ARHGAP26: variants seen among roughly 807,000 people sequenced by gnomAD.
The protein encoded by ARHGAP26 is rho GTPase-activating protein 26.
ARHGAP26 carries 38 observed loss-of-function variants against 104.8 expected under a neutral mutation model. That is an observed-to-expected ratio of 0.36 (90% CI 0.28 to 0.48). ARHGAP26 has a LOEUF of 0.48. Among genes scored for constraint, ARHGAP26 ranks in the 20% least tolerant of loss-of-function variants. The pLI, the probability that ARHGAP26 is intolerant of heterozygous loss-of-function variation, is 0.99. For synonymous variants in ARHGAP26, 341 were observed against 340.0 expected, an observed-to-expected ratio of 1.00 and a Z score of -0.03; for missense variants, 704 against 947.9, an observed-to-expected ratio of 0.74 and a Z score of 3.38.
intron 11 of ARHGAP26, among the ~76,000 whole-genome samples, chr5:143,008,581 A>G (rs551669044): frequency 1.3e-5 from 2 of 152,220 alleles, no homozygotes; most frequent in Non-Finnish European, 2.9e-5. Context: ...TTGGGTAAAG[A>G]TGGTGCAGTT....
intron 11 of ARHGAP26, among the ~76,000 whole-genome samples, chr5:142,937,659 G>A (rs37223): frequency 0.24 from 36,539 of 151,980 alleles, 4,751 homozygotes; most frequent in East Asian, 0.46. Flanking sequence ...TCCTTTAATG[G>A]GTGAATGGTT....
intron 12 of ARHGAP26, among the ~76,000 whole-genome samples, chr5:143,015,640 C>T (rs1264204785): frequency 2.0e-5 from 3 of 152,070 alleles, no homozygotes; most frequent in Non-Finnish European, 4.4e-5. Flanking sequence ...GGATGGATGC[C>T]AAGCAGGCTA....
At chr5:142,854,741 C>G (rs576966783) in intron 1 of ARHGAP26, among the ~76,000 whole-genome samples, 1 of 152,328 alleles carries the variant, frequency 6.6e-6, no homozygotes, top group South Asian at 2.1e-4. Flanking sequence ...TGCAGGGAAT[C>G]TAACATGGCT....
chr5:143,135,602 A>G (rs1207495486), intron 19 of ARHGAP26, among the ~76,000 whole-genome samples: 2 of 152,166 alleles, frequency 1.3e-5, no homozygotes, highest in Non-Finnish European at 2.9e-5. Flanking sequence ...CAAAACCCTT[A>G]CTGCACTTCA....
intron 12 of ARHGAP26, among the ~76,000 whole-genome samples, chr5:143,031,572 C>CTTTT (rs753414022): frequency 1.5e-5 from 2 of 135,370 alleles, no homozygotes; most frequent in African/African-American, 5.4e-5. Context: ...CTACACACCT[C>CTTTT]TTTTTTTTTT....
chr5:143,139,070 G>T (rs1277421744), intron 19 of ARHGAP26, among the ~76,000 whole-genome samples: 2 of 152,200 alleles, frequency 1.3e-5, no homozygotes, highest in African/African-American at 4.8e-5. Flanking sequence ...TTCCACTTAA[G>T]AACCTGGAGT....
intron 11 of ARHGAP26, 126 bp downstream of exon 11, chr5:142,932,251 GT>G: frequency 1.2e-6 from 1 of 804,420 alleles, no homozygotes; most frequent in Non-Finnish European, 2.1e-6. Flanking sequence ...ACCAGAGGTG[GT>G]TTTTTATTCC....
intron 20 of ARHGAP26, among the ~76,000 whole-genome samples, chr5:143,148,751 A>T (rs987581081): frequency 6.6e-6 from 1 of 152,072 alleles, no homozygotes; most frequent in Non-Finnish European, 1.5e-5. Flanking sequence ...GTTCTCCTAT[A>T]CCCACTTTCC....
intron 11 of ARHGAP26, among the ~76,000 whole-genome samples, chr5:142,972,148 C>T (rs548381836): frequency 6.6e-6 from 1 of 151,006 alleles, no homozygotes; most frequent in East Asian, 2.0e-4. Flanking sequence ...TGCCACTGCA[C>T]TCCATCCTGG....
intron 1 of ARHGAP26, among the ~76,000 whole-genome samples, chr5:142,806,252 C>T (rs1448664211): frequency 1.3e-5 from 2 of 152,084 alleles, no homozygotes; most frequent in Non-Finnish European, 2.9e-5. Flanking sequence ...GCCACCAGGC[C>T]CATGTATTTT....
At chr5:142,794,253 A>G (rs778282077) in intron 1 of ARHGAP26, among the ~76,000 whole-genome samples, 4 of 152,202 alleles carry the variant, frequency 2.6e-5, no homozygotes, top group African/African-American at 9.6e-5. Flanking sequence ...CATCCTTGAG[A>G]TAATCCCTGA....
intron 11 of ARHGAP26, among the ~76,000 whole-genome samples, chr5:142,956,862 C>T (rs1769333554): frequency 6.6e-6 from 1 of 152,026 alleles, no homozygotes; most frequent in Non-Finnish European, 1.5e-5. Flanking sequence ...ACGCAGAAAC[C>T]CCTGATAAAC....
chr5:142,935,808 A>T (rs1275180289), intron 11 of ARHGAP26, among the ~76,000 whole-genome samples: 3 of 152,244 alleles, frequency 2.0e-5, no homozygotes, highest in Non-Finnish European at 4.4e-5. Context: ...TTACTCTCAG[A>T]TGTATGTTCC....
chr5:142,770,547 C>T lies in ARHGAP26; in HGVS notation c.-215C>T. The T allele has an allele frequency of 4.7e-6, 1 of 213,346 alleles. No homozygotes were observed. The highest frequency in any genetic ancestry group is 8.9e-6 in the Non-Finnish European group (1 of 112,274). The allele number at this position is 213,346 out of a possible 1,614,324, so 13.2% of individuals were successfully genotyped here. On this transcript the variant is annotated 5_prime_UTR_variant, in exon 1 of 23. Transcript: ENST00000645722. ...TCCTGCTCGCGATCCGCTCCGTTGCCCGCGCCCGGAACAGCAGCACCTCGG... is the reference window on the plus strand; with the variant it reads ...TCCTGCTCGCGATCCGCTCCGTTGCTCGCGCCCGGAACAGCAGCACCTCGG...
At chr5:143,057,800 T>G (rs1786053582) in intron 17 of ARHGAP26, 53 bp downstream of exon 17, 1 of 1,450,864 alleles carries the variant, frequency 6.9e-7, no homozygotes, top group Non-Finnish European at 9.7e-7. Flanking sequence ...AGTTCTTATC[T>G]TAGCAGTGAA....
chr5:143,058,751 T>C (rs537149526), intron 17 of ARHGAP26, among the ~76,000 whole-genome samples: 2 of 152,378 alleles, frequency 1.3e-5, no homozygotes, highest in East Asian at 1.9e-4. Context: ...GCACTTGATA[T>C]TGCCTTTGGG....
chr5:142,916,724 G>A (rs79095015), intron 10 of ARHGAP26, among the ~76,000 whole-genome samples: 2,091 of 152,264 alleles, frequency 0.014, 48 homozygotes, highest in African/African-American at 0.047. Context: ...TGGTCTCTGA[G>A]ACAGATTACT....
intron 1 of ARHGAP26, among the ~76,000 whole-genome samples, chr5:142,867,287 G>A (rs1156866457): frequency 7.5e-6 from 1 of 133,130 alleles, no homozygotes; most frequent in Non-Finnish European, 1.5e-5. Flanking sequence ...GATTTGCACA[G>A]GGTGTGTGTG....
At position 143,086,253 on chromosome 5, in the gene ARHGAP26, C is replaced by T. The variant is rs978952794; in HGVS notation, c.1538+28506C>T. Among the ~76,000 whole-genome samples the T allele has an allele frequency of 4.6e-5, 7 of 152,298 alleles. No individual in the cohort carries two copies. The East Asian group carries it at 5.8e-4, about 13-fold the overall frequency. ...GCCATTCAAGGAACTAGAAAACTTC[C>T]AGTCCCCTCTGGCATTACTAAAATG... On this transcript the variant is annotated intron_variant, in intron 17 of 22. Transcript: ENST00000645722.
Sources: gnomAD v4.1 joint callset for allele counts (sites outside exome capture counted in the v4.1 genomes callset) on GRCh38, gnomAD v4.1.1 for gene constraint, MANE v1.5 for transcripts, NCBI Gene and HGNC (gene_info 2026-07-23, HGNC 2026-07-21) for gene names.